Variants in C5AR1 observed in about 807,000 individuals in gnomAD.
C5AR1 encodes C5a anaphylatoxin chemotactic receptor 1.
C5AR1 carries 4 observed loss-of-function variants against 2.4 expected under a neutral mutation model. That is an observed-to-expected ratio of 1.65 (90% CI 0.81 to 3.77). C5AR1 has a LOEUF of 3.77. Ranked by LOEUF, C5AR1 falls within the 30% of genes most tolerant of loss-of-function variation. The pLI is 0.01. For synonymous variants in C5AR1, 209 were observed against 210.4 expected (o/e 0.99, Z 0.06); for missense variants, 418 against 462.5 (o/e 0.90, Z 0.88).
Position 47,320,778 on chromosome 19 carries a change from C to G in C5AR1, c.1001C>G (p.Ser334Ter), listed in dbSNP as rs773558242. The change falls in exon 2 of 2, where the codon TCA (serine) becomes TGA (stop). Residue 334 changes from serine (S) to a stop codon, truncating the protein, a stop_gained. Coordinates refer to ENST00000355085, the MANE Select transcript of C5AR1 (RefSeq NM_001736.4). LOFTEE classifies it low-confidence loss of function (END_TRUNC). This position sits in a 1 kb window ranked among gnomAD's most constrained non-coding sequence, Gnocchi z 4.9. ...TEESVVRESK[S>*]FTRSTVDTMA... ...GAGTCCGTGGTTAGGGAGAGCAAGTCATTCACGCGCTCCACAGTGGACACT... is the reference window on the plus strand; with the variant it reads ...GAGTCCGTGGTTAGGGAGAGCAAGTGATTCACGCGCTCCACAGTGGACACT... 1 of 1,614,066 alleles carries G rather than the reference C, an allele frequency of 6.2e-7. No individual in the cohort carries two copies. The highest frequency in any genetic ancestry group is 1.7e-5 in the Admixed American group (1 of 59,998).
chr19:47,308,614 G>A (rs2059260933), upstream of C5AR1, among the ~76,000 whole-genome samples: 1 of 150,298 alleles, frequency 6.7e-6, no homozygotes, highest in South Asian at 2.1e-4. Flanking sequence ...GGAGTGCAAT[G>A]GTGCAATCTC....
chr19:47,309,980 C>T, intron 1 of C5AR1, 82 bp downstream of exon 1: 1 of 1,403,424 alleles, frequency 7.1e-7, no homozygotes, highest in Non-Finnish European at 1.0e-6. Context: ...TTCTCTCTCC[C>T]CAACTCTCGC....
rs1171190202 is a variant in C5AR1 at position 47,320,238 on chromosome 19, G to C, written c.461G>C (p.Trp154Ser). Reference protein sequence around the residue: ...CQNFRGAGLAWIACAVAWGLA... With the variant: ...CQNFRGAGLASIACAVAWGLA... ...AACTTCCGAGGGGCTGGCTTGGCCT[G>C]GATCGCCTGTGCCGTGGCTTGGGGT... Residue 154 changes from tryptophan (W) to serine (S), a missense_variant, in exon 2 of 2, where the codon TGG becomes TCG. Physicochemically the swap from Trp to Ser is radical, Grantham distance 177. Coordinates refer to ENST00000355085, the MANE Select transcript of C5AR1 (RefSeq NM_001736.4). The surrounding 1 kb of genome is among the most constrained non-coding windows in gnomAD (Gnocchi z 4.9). 1 of 1,613,910 alleles carries C rather than the reference G, an allele frequency of 6.2e-7. No individual in the cohort carries two copies. The highest frequency in any genetic ancestry group is 8.5e-7 in the Non-Finnish European group (1 of 1,180,026).
At chr19:47,311,230 G>A (rs1057506710) in intron 1 of C5AR1, among the ~76,000 whole-genome samples, 3 of 151,250 alleles carry the variant, frequency 2.0e-5, no homozygotes, top group African/African-American at 4.9e-5. Context: ...ACTCATTCTC[G>A]GCCAGGCGCG....
chr19:47,317,585 A>G (rs1324595261), intron 1 of C5AR1, among the ~76,000 whole-genome samples: 1 of 151,542 alleles, frequency 6.6e-6, no homozygotes, highest in Non-Finnish European at 1.5e-5. Flanking sequence ...ACAAATAATA[A>G]TACCAATGGC....
chr19:47,314,083 ACCTG>A (rs1345056874), intron 1 of C5AR1, among the ~76,000 whole-genome samples: 4 of 152,082 alleles, frequency 2.6e-5, no homozygotes, highest in Non-Finnish European at 5.9e-5. Context: ...GCCTCACGTC[ACCTG>A]GACAGTTCCA....
At chr19:47,313,986 T>C (rs1417460518) in intron 1 of C5AR1, among the ~76,000 whole-genome samples, 4 of 152,148 alleles carry the variant, frequency 2.6e-5, no homozygotes, top group South Asian at 2.1e-4. Context: ...ATGGCTGTTC[T>C]TGTAGGTACT....
chr19:47,309,751 G>C, upstream of C5AR1: 1 of 743,050 alleles, frequency 1.3e-6, no homozygotes, highest in Admixed American at 2.7e-5. Context: ...GGGAGCTCTG[G>C]CCTCAGTGCC....
intron 1 of C5AR1, among the ~76,000 whole-genome samples, chr19:47,319,399 C>T (rs1047535768): frequency 1.4e-5 from 2 of 145,842 alleles, no homozygotes; most frequent in South Asian, 4.3e-4. Context: ...ACCTCTGCCT[C>T]CTGGGGTCAG....
At chr19:47,312,723 G>GCCTCCT (rs1218525439) in intron 1 of C5AR1, among the ~76,000 whole-genome samples, 1 of 151,994 alleles carries the variant, frequency 6.6e-6, no homozygotes, top group Non-Finnish European at 1.5e-5. Flanking sequence ...CAAGGGAGTT[G>GCCTCCT]CCTCCTCCTC....
At chr19:47,309,824 T>C (rs567175577), upstream of C5AR1, 62 of 1,547,882 alleles carry the variant, frequency 4.0e-5, no homozygotes, top group South Asian at 6.5e-4. Flanking sequence ...GCATCTTCCC[T>C]TGGGGCTTTA....
chr19:47,320,236 C>G lies in C5AR1; in HGVS notation c.459C>G (p.Ala153=). ...AGAACTTCCGAGGGGCTGGCTTGGC[C>G]TGGATCGCCTGTGCCGTGGCTTGGG... ...WCQNFRGAGL[A]WIACAVAWGL... The change falls in exon 2 of 2, where the codon GCC becomes GCG. Residue 153 remains alanine, a synonymous_variant. Transcript: ENST00000355085. The surrounding 1 kb of genome is among the most constrained non-coding windows in gnomAD (Gnocchi z 4.9). 1 of 1,614,068 alleles carries G rather than the reference C, an allele frequency of 6.2e-7. No individual in the cohort carries two copies. Among genetic ancestry groups the G allele is most frequent in the Non-Finnish European group, 8.5e-7 (1 of 1,180,024 alleles).
chr19:47,320,511 T>TGGCAGTGGTGGC lies in C5AR1; in HGVS notation c.735_746dup (p.Ala246_Ala249dup), dbSNP rs1455197129. The TGGCAGTGGTGGC allele has an allele frequency of 1.2e-6, 2 of 1,613,488 alleles. No homozygotes were observed. Among genetic ancestry groups the TGGCAGTGGTGGC allele is most frequent in the Non-Finnish European group, 1.7e-6 (2 of 1,179,924 alleles). ...TCCACCAAGACACTCAAGGTGGTGGTGGCAGTGGTGGCCAGTTTCTTTATC... is the reference window on the plus strand; with the variant it reads ...TCCACCAAGACACTCAAGGTGGTGGTGGCAGTGGTGGCGGCAGTGGTGGCCAGTTTCTTTATC... On this transcript the variant is annotated inframe_insertion, in exon 2 of 2. Coordinates refer to ENST00000355085, the MANE Select transcript of C5AR1 (RefSeq NM_001736.4). The surrounding 1 kb of genome is among the most constrained non-coding windows in gnomAD (Gnocchi z 4.9).
At chr19:47,319,304 A>ATTTTTTTTTT (rs34731685) in intron 1 of C5AR1, among the ~76,000 whole-genome samples, 1 of 94,132 alleles carries the variant, frequency 1.1e-5, no homozygotes, top group Non-Finnish European at 1.9e-5. Context: ...GAATCATTTC[A>ATTTTTTTTTT]TTTTTTTTTT....
At chr19:47,309,931 T>C in intron 1 of C5AR1, 33 bp downstream of exon 1, 1 of 1,607,396 alleles carries the variant, frequency 6.2e-7, no homozygotes, top group Non-Finnish European at 8.5e-7. Flanking sequence ...AGCAGGAAAC[T>C]TTGTCCTGGG....
At chr19:47,309,666 G>A (rs762850118), upstream of C5AR1, among the ~76,000 whole-genome samples, 2 of 151,918 alleles carry the variant, frequency 1.3e-5, no homozygotes, top group East Asian at 1.9e-4. Context: ...GAGCTTCCTC[G>A]GTTTTCCGAG....
chr19:47,318,661 C>G (rs192090974), intron 1 of C5AR1, among the ~76,000 whole-genome samples: 1 of 151,968 alleles, frequency 6.6e-6, no homozygotes, highest in South Asian at 2.1e-4. Flanking sequence ...AATTCCATGC[C>G]GCATGCATAG....
Sources: allele counts gnomAD v4.1 joint callset (sites outside exome capture counted in the v4.1 genomes callset), GRCh38; gene constraint gnomAD v4.1.1; non-coding constraint Gnocchi (gnomAD v3.1); transcripts MANE v1.5; gene names NCBI Gene and HGNC (gene_info 2026-07-23, HGNC 2026-07-21).